The following CLGN variants were observed in gnomAD, a reference collection of about 807,000 sequenced individuals.
The protein encoded by CLGN is testis tissue sperm-binding protein Li 79P.
In CLGN, 62 loss-of-function variants were observed where a neutral mutation model predicts 79.1. The ratio of observed to expected loss-of-function variants is 0.78; its 90% CI spans 0.64 to 0.97. The LOEUF (loss-of-function observed/expected upper bound fraction) is 0.97, where lower values mean the gene tolerates loss of function less well. CLGN is among the 50% of genes least tolerant of loss of function. CLGN has a pLI of 0.00. For synonymous variants in CLGN, 225 were observed against 224.7 expected (o/e 1.00, Z -0.01); for missense variants, 647 against 715.5 (o/e 0.90, Z 1.09).
chr4:140,410,663 T>C, intron 2 of CLGN, 37 bp from the exon 3 acceptor site: 1 of 1,236,090 alleles, frequency 8.1e-7, no homozygotes, highest in Non-Finnish European at 1.2e-6. Flanking sequence ...AGTTATTCAT[T>C]TTCACAAATA....
At chr4:140,405,813 G>T in intron 5 of CLGN, 129 bp downstream of exon 5, 2 of 846,422 alleles carry the variant, frequency 2.4e-6, no homozygotes, top group Non-Finnish European at 3.6e-6. Flanking sequence ...GCACATTTGT[G>T]TTTTAACTAA....
chr4:140,395,730 C>T (rs1728860412), intron 10 of CLGN, 89 bp downstream of exon 10: 2 of 1,152,756 alleles, frequency 1.7e-6, no homozygotes, highest in Admixed American at 3.1e-5. Flanking sequence ...ATGAAACTTC[C>T]AAAAGTTGAC....
chr4:140,409,809 A>G (rs116730782), intron 4 of CLGN, 28 bp downstream of exon 4: 52,427 of 1,460,986 alleles, frequency 0.036, 1,206 homozygotes, highest in South Asian at 0.071. Flanking sequence ...CATACTGGTT[A>G]TATCTAATAC....
intron 7 of CLGN, 96 bp downstream of exon 7, chr4:140,400,261 T>G: frequency 1.2e-6 from 1 of 803,678 alleles, no homozygotes; most frequent in Non-Finnish European, 2.0e-6. Flanking sequence ...TCCTTCAGGA[T>G]GGGGTACACA....
At chr4:140,425,622 CTTT>C (rs60198755) in intron 1 of CLGN, among the ~76,000 whole-genome samples, 6,437 of 96,780 alleles carry the variant, frequency 0.067, 118 homozygotes, top group African/African-American at 0.12. Flanking sequence ...TTTGTAATTC[CTTT>C]TTTTTTTTTT....
chr4:140,406,141 T>C (rs1180515088), intron 4 of CLGN, 58 bp from the exon 5 acceptor site: 1 of 1,526,542 alleles, frequency 6.6e-7, no homozygotes, highest in Non-Finnish European at 8.9e-7. Flanking sequence ...CTAAGAATTA[T>C]TTATCAGCAG....
intron 1 of CLGN, among the ~76,000 whole-genome samples, chr4:140,422,282 T>A (rs1186006461): frequency 6.6e-6 from 1 of 152,208 alleles, no homozygotes; most frequent in Non-Finnish European, 1.5e-5. Flanking sequence ...TATATGAATT[T>A]TACTATTCTT....
intron 11 of CLGN, 36 bp from the exon 12 acceptor site, chr4:140,392,747 T>C (rs2060234290): frequency 6.5e-7 from 1 of 1,535,072 alleles, no homozygotes; most frequent in Non-Finnish European, 8.7e-7. Flanking sequence ...GCAATTCAAA[T>C]TTTACAAACC....
Position 140,395,900 on chromosome 4 carries a change from A to G in CLGN, c.1068T>C (p.Gly356=), listed in dbSNP as rs200382827. The G allele has an allele frequency of 1.8e-4, 281 of 1,605,202 alleles. No homozygotes were observed. The highest frequency in any genetic ancestry group is 1.0e-3 in the South Asian group (92 of 88,848). ...TATCTATCATGGGAGGTTTCCACTC[A>G]CCACACCCAATCCGACATGCTGGAT... ...ILNPACRIGC[G]EWKPPMIDNP... is the part of the protein sequence containing the mutation. Residue 356 remains glycine, a synonymous_variant, in exon 10 of 15, where the codon GGT becomes GGC. Transcript: ENST00000325617.
intron 5 of CLGN, among the ~76,000 whole-genome samples, chr4:140,405,649 A>G (rs764458612): frequency 4.0e-4 from 61 of 152,220 alleles, no homozygotes; most frequent in Non-Finnish European, 8.1e-4. Context: ...AAGCACTCAG[A>G]CCAAAGGAAA....
rs574559549 is a variant in CLGN, at chr4:140,427,376, G to A, written c.-10+161C>T. On this transcript the variant is annotated intron_variant, in intron 1 of 14. Coordinates refer to ENST00000325617, the MANE Select transcript of CLGN (RefSeq NM_004362.3). Reference sequence around the variant, plus strand: ...GACCCTAGCTCGCTGCAGCCCCATCGCCAGACTCAACATCCACCCTCACTT... The same window carrying A: ...GACCCTAGCTCGCTGCAGCCCCATCACCAGACTCAACATCCACCCTCACTT... Among the ~76,000 whole-genome samples, 25 of 152,304 alleles carry A rather than the reference G, an allele frequency of 1.6e-4. No individual in the cohort carries two copies. In the South Asian group the frequency reaches 5.2e-3, roughly 32 times the overall value.
At chr4:140,408,516 C>G (rs1445626333) in intron 4 of CLGN, among the ~76,000 whole-genome samples, 1 of 151,896 alleles carries the variant, frequency 6.6e-6, no homozygotes, top group Non-Finnish European at 1.5e-5. Context: ...AGGCAAATGA[C>G]ATAAATAGAC....
intron 11 of CLGN, among the ~76,000 whole-genome samples, chr4:140,393,617 G>A (rs1728816036): frequency 6.6e-6 from 1 of 151,972 alleles, no homozygotes; most frequent in Non-Finnish European, 1.5e-5. Context: ...AATAAAATGA[G>A]GACTTACATA....
chr4:140,405,135 T>A (rs1469864202), intron 5 of CLGN, among the ~76,000 whole-genome samples: 1 of 151,816 alleles, frequency 6.6e-6, no homozygotes, highest in Non-Finnish European at 1.5e-5. Context: ...CTGTTCTGAA[T>A]ATATTGTTTA....
intron 5 of CLGN, 139 bp downstream of exon 5, chr4:140,405,803 G>T: frequency 1.4e-6 from 1 of 715,828 alleles, no homozygotes; most frequent in South Asian, 2.1e-5. Context: ...GTGTGTATAT[G>T]CACATTTGTG....
chr4:140,411,285 A>C (rs922021278), intron 2 of CLGN, among the ~76,000 whole-genome samples: 3 of 152,080 alleles, frequency 2.0e-5, no homozygotes, highest in Non-Finnish European at 1.5e-5. Flanking sequence ...AGACAAAGTA[A>C]CTTGCTTACT....
At position 140,411,584 on chromosome 4, in the gene CLGN, C is replaced by T. The variant is rs568489360; in HGVS notation, c.145-958G>A. ...GATTAGTGAGATTTCTTCCAGTAGG[C>T]TTTAGGGAAAAGGGTGCAGAAATAC... is the stretch of plus-strand genomic sequence containing the variant. On this transcript the variant is annotated intron_variant, in intron 2 of 14. Transcript: ENST00000325617. Among the ~76,000 whole-genome samples, 6 of 152,100 alleles carry T rather than the reference C, an allele frequency of 3.9e-5. No homozygotes were observed. In the South Asian group the frequency reaches 1.2e-3, roughly 32 times the overall value.
At position 140,393,821 on chromosome 4, in the gene CLGN, C is replaced by T. The variant is rs1410288293; in HGVS notation, c.1365+5G>A. 3 of 1,612,592 alleles carry T rather than the reference C, an allele frequency of 1.9e-6. No homozygotes were observed. Among genetic ancestry groups the T allele is most frequent in the Middle Eastern group, 1.7e-4 (1 of 5,940 alleles). On this transcript the variant is annotated splice_donor_5th_base_variant and intron_variant, in intron 11 of 14. Transcript: ENST00000325617. ...TATCACTACTGCTATTGGTCAACAC[C>T]ATACCTTATTAGCATTTGCTATCAT...
In CLGN at chr4:140,406,019, T is replaced by C. The variant is rs1352562014; in HGVS notation, c.342A>G (p.Lys114=). ...ATATTGCATGATGCTTTGCTCTAGA[T>C]TTTAATACCAGTCCTCTGTCACCAG... is the stretch of plus-strand genomic sequence containing the variant. ...QVPGDRGLVL[K]SRAKHHAISA... is the part of the protein sequence containing the mutation. Residue 114 remains lysine, a synonymous_variant, in exon 5 of 15, where the codon AAA becomes AAG. Transcript: ENST00000325617. 1.9e-6 allele frequency: 3 copies of C among 1,613,424 alleles called. No homozygotes were observed. The highest frequency in any genetic ancestry group is 2.5e-6 in the Non-Finnish European group (3 of 1,179,712).
Sources: gnomAD v4.1 joint callset for allele counts (sites outside exome capture counted in the v4.1 genomes callset) on GRCh38, gnomAD v4.1.1 for gene constraint, MANE v1.5 for transcripts, NCBI Gene and HGNC (gene_info 2026-07-23, HGNC 2026-07-21) for gene names.